The following ASB7 variants were observed in gnomAD, a reference collection of about 807,000 sequenced individuals.
ASB7 encodes ankyrin repeat and SOCS box protein 7.
ASB7 carries 4 observed loss-of-function variants against 32.5 expected under a neutral mutation model. That is an observed-to-expected ratio of 0.12 (90% confidence interval 0.06 to 0.28). The LOEUF (loss-of-function observed/expected upper bound fraction) is 0.28, where lower values mean the gene tolerates loss of function less well. Ranked by LOEUF, ASB7 falls within the 10% of genes least tolerant of loss-of-function variation. ASB7 has a pLI of 1.00. For synonymous variants in ASB7, 172 were observed against 155.6 expected, an observed-to-expected ratio of 1.11 and a Z score of -0.78; for missense variants, 181 against 407.1, an observed-to-expected ratio of 0.44 and a Z score of 4.78.
Position 100,623,545 on chromosome 15 carries a change from C to A in ASB7, c.212-5892C>A, listed in dbSNP as rs141130799. On this transcript the variant is annotated intron_variant, in intron 4 of 5. Coordinates refer to ENST00000332783, the MANE Select transcript of ASB7 (RefSeq NM_198243.3). ...TCAAAACCACAATGAGATATCTTAT[C>A]CCAGTTGTAATGGCTACTGTTAAAA... Among the ~76,000 whole-genome samples, 400 of 152,274 alleles carry A rather than the reference C, an allele frequency of 2.6e-3. 3 individuals are homozygous for A. Among genetic ancestry groups the A allele is most frequent in the African/African-American group, 8.9e-3 (371 of 41,544 alleles).
chr15:100,609,159 G>A (rs541629274), intron 2 of ASB7, among the ~76,000 whole-genome samples: 2 of 152,162 alleles, frequency 1.3e-5, no homozygotes, highest in Non-Finnish European at 2.9e-5. Flanking sequence ...ATCTAGTTCG[G>A]TGTATGCATA....
intron 4 of ASB7, among the ~76,000 whole-genome samples, chr15:100,622,203 A>AAAGAAAAAAGAAAC (rs1036862024): frequency 6.6e-6 from 1 of 151,878 alleles, no homozygotes; most frequent in Non-Finnish European, 1.5e-5. Flanking sequence ...ATAGCTACAA[A>AAAGAAAAAAGAAAC]AAGAAAAAAG....
chr15:100,614,272 C>CAAAA (rs36083050), intron 4 of ASB7, among the ~76,000 whole-genome samples: 2 of 88,534 alleles, frequency 2.3e-5, no homozygotes, highest in Non-Finnish European at 4.3e-5. Context: ...AAACTCTGCT[C>CAAAA]AAAAAAAAAA....
chr15:100,617,395 C>T (rs1457955940), intron 4 of ASB7, among the ~76,000 whole-genome samples: 1 of 152,224 alleles, frequency 6.6e-6, no homozygotes, highest in Non-Finnish European at 1.5e-5. Context: ...AGCCACAGCC[C>T]CTCTGCATTC....
At position 100,629,828 on chromosome 15, in the gene ASB7, G is replaced by T; in HGVS notation, c.603G>T (p.Gln201His). 1.2e-6 allele frequency: 2 copies of T among 1,614,246 alleles called. No individual in the cohort carries two copies. The highest frequency in any genetic ancestry group is 1.7e-6 in the Non-Finnish European group (2 of 1,180,038). Residue 201 changes from glutamine to histidine, a missense_variant, in exon 5 of 6, where the codon CAG becomes CAT. Transcript: ENST00000332783. This position sits in a 1 kb window ranked among gnomAD's most constrained non-coding sequence, Gnocchi z 6.8. ...SNHSYCRMFLQRGADTNLGRL... is the reference protein window; with the variant it reads ...SNHSYCRMFLHRGADTNLGRL... ...ACTCTTATTGCCGAATGTTCCTTCA[G>T]AGAGGGGCAGACACAAACTTGGGTC...
intron 3 of ASB7, among the ~76,000 whole-genome samples, chr15:100,611,624 C>T (rs2039696851): frequency 2.0e-5 from 3 of 151,198 alleles, no homozygotes; most frequent in Non-Finnish European, 1.5e-5. Flanking sequence ...GGATTACAGA[C>T]ATGTGCCACC....
chr15:100,645,280 G>A (rs2039989779), intron 5 of ASB7, among the ~76,000 whole-genome samples: 1 of 152,138 alleles, frequency 6.6e-6, no homozygotes, highest in Non-Finnish European at 1.5e-5. Context: ...AAAAGACAGT[G>A]ATATGTTAGG....
rs1291981329 is a variant in ASB7 at position 100,602,799 on chromosome 15, GC to G, written c.-513del. The G allele has an allele frequency of 2.6e-5, 10 of 390,018 alleles. No individual in the cohort carries two copies. The highest frequency in any genetic ancestry group is 3.6e-5 in the Non-Finnish European group (8 of 221,362). 24.2% of individuals were successfully genotyped at this position (390,018 alleles called of 1,614,324 possible). Reference sequence around the variant, plus strand: ...CTGCTCCGAGCCCTGGACCGGGACTGCCCCCCCACCCGAGCCAGGACTTCCT... The same window carrying G: ...CTGCTCCGAGCCCTGGACCGGGACTGCCCCCCACCCGAGCCAGGACTTCCT... On this transcript the variant is annotated 5_prime_UTR_variant, in exon 1 of 6. The change creates a premature stop within an existing upstream ORF in the 5' untranslated region. Transcript: ENST00000332783.
chr15:100,611,364 T>C (rs919155862), intron 3 of ASB7, among the ~76,000 whole-genome samples: 4 of 149,202 alleles, frequency 2.7e-5, no homozygotes, highest in African/African-American at 7.4e-5. Context: ...AGATATTTCA[T>C]TGTATGTTGG....
At chr15:100,608,392 C>T (rs1567110932) in intron 2 of ASB7, among the ~76,000 whole-genome samples, 1 of 152,168 alleles carries the variant, frequency 6.6e-6, no homozygotes, top group Non-Finnish European at 1.5e-5. Context: ...ATGTGTTTCT[C>T]CCCCTTTATT....
At chr15:100,643,536 C>G (rs1283777405) in intron 5 of ASB7, among the ~76,000 whole-genome samples, 1 of 137,452 alleles carries the variant, frequency 7.3e-6, no homozygotes, top group African/African-American at 2.8e-5. Flanking sequence ...GTCTCCCAGG[C>G]TGGAGTGCAG....
intron 4 of ASB7, among the ~76,000 whole-genome samples, chr15:100,615,851 C>T (rs529751406): frequency 3.9e-5 from 6 of 152,166 alleles, no homozygotes; most frequent in Non-Finnish European, 8.8e-5. Context: ...CAGATTCCAT[C>T]GTATGGATGT....
intron 5 of ASB7, among the ~76,000 whole-genome samples, chr15:100,639,436 C>T (rs78348975): frequency 3.9e-5 from 6 of 151,942 alleles, no homozygotes; most frequent in East Asian, 3.9e-4. Flanking sequence ...GATCACGACT[C>T]CTTTTTTTTT....
At chr15:100,610,182 A>G (rs1221443183) in intron 3 of ASB7, among the ~76,000 whole-genome samples, 1 of 152,184 alleles carries the variant, frequency 6.6e-6, no homozygotes, top group Non-Finnish European at 1.5e-5. Context: ...TTTGTGAAGG[A>G]ATTGAGAGAA....
Position 100,636,773 on chromosome 15 carries a change from T to C in ASB7, c.817+6731T>C, listed in dbSNP as rs140558113. Among the ~76,000 whole-genome samples, 6 of 152,380 alleles carry C rather than the reference T, an allele frequency of 3.9e-5. No individual in the cohort carries two copies. The East Asian group carries it at 1.2e-3, about 29-fold the overall frequency. On this transcript the variant is annotated intron_variant, in intron 5 of 5. Transcript: ENST00000332783. Reference sequence around the variant, plus strand: ...AAATTGTTTTTTATTTATTTATTTATGTTAGAATGACGTTTTTCAGTGTGG... The same window carrying C: ...AAATTGTTTTTTATTTATTTATTTACGTTAGAATGACGTTTTTCAGTGTGG...
intron 5 of ASB7, among the ~76,000 whole-genome samples, chr15:100,640,843 C>T (rs191672383): frequency 6.6e-6 from 1 of 152,170 alleles, no homozygotes; most frequent in East Asian, 1.9e-4. Flanking sequence ...TACGCTAGAC[C>T]CTTCAAAAGA....
At chr15:100,635,486 T>C (rs1258313764) in intron 5 of ASB7, among the ~76,000 whole-genome samples, 1 of 152,176 alleles carries the variant, frequency 6.6e-6, no homozygotes, top group Non-Finnish European at 1.5e-5. Flanking sequence ...AATCTGGCTG[T>C]GAATTGGGCT....
chr15:100,621,376 G>A (rs983673946), intron 4 of ASB7, among the ~76,000 whole-genome samples: 2 of 152,132 alleles, frequency 1.3e-5, no homozygotes, highest in African/African-American at 4.8e-5. Context: ...TCAAACGTAG[G>A]CATTCTCAAT....
At position 100,602,772 on chromosome 15, in the gene ASB7, C is replaced by T. The variant is rs2039561261; in HGVS notation, c.-547C>T. Reference sequence around the variant, plus strand: ...GCCTCCGGCCCGGAGCGCGGCAGCCCCCTGCTCCGAGCCCTGGACCGGGAC... The same window carrying T: ...GCCTCCGGCCCGGAGCGCGGCAGCCTCCTGCTCCGAGCCCTGGACCGGGAC... On this transcript the variant is annotated 5_prime_UTR_variant, in exon 1 of 6. Coordinates refer to ENST00000332783, the MANE Select transcript of ASB7 (RefSeq NM_198243.3). The T allele has an allele frequency of 2.6e-6, 1 of 387,984 alleles. No individual in the cohort carries two copies. Among genetic ancestry groups the T allele is most frequent in the Non-Finnish European group, 4.5e-6 (1 of 220,070 alleles). The allele number at this position is 387,984 out of a possible 1,614,324, so 24.0% of individuals were successfully genotyped here. A position where few individuals can be genotyped will look rare whatever the true frequency, so the allele number is the denominator to read the frequency against.
Sources: gnomAD v4.1 joint callset for allele counts (sites outside exome capture counted in the v4.1 genomes callset) on GRCh38, gnomAD v4.1.1 for gene constraint, Gnocchi (gnomAD v3.1) non-coding constraint, MANE v1.5 for transcripts, NCBI Gene and HGNC (gene_info 2026-07-23, HGNC 2026-07-21) for gene names.